PIAS2: variants seen among roughly 807,000 people sequenced by gnomAD.
The protein encoded by PIAS2 is protein inhibitor of activated STAT 2.
A neutral mutation model predicts 69.7 loss-of-function variants in PIAS2; 19 were observed. The ratio of observed to expected loss-of-function variants is 0.27; its 90% CI spans 0.19 to 0.40. PIAS2 has a LOEUF of 0.40. PIAS2 is among the 10% of genes least tolerant of loss of function. The pLI is 1.00. For synonymous variants in PIAS2, 261 were observed against 263.2 expected (o/e 0.99, Z 0.08); for missense variants, 624 against 757.0 (o/e 0.82, Z 2.06).
intron 11 of PIAS2, among the ~76,000 whole-genome samples, chr18:46,824,310 A>T (rs1023049348): frequency 1.3e-5 from 2 of 152,230 alleles, no homozygotes; most frequent in African/African-American, 4.8e-5. Context: ...ATAAAAGTAT[A>T]AAAAAGATGC....
chr18:46,823,951 TG>T (rs1423239106), intron 11 of PIAS2, among the ~76,000 whole-genome samples: 1 of 152,188 alleles, frequency 6.6e-6, no homozygotes, highest in Non-Finnish European at 1.5e-5. Flanking sequence ...TGGCTATGGA[TG>T]GTGAAATGAT....
intron 12 of PIAS2, among the ~76,000 whole-genome samples, chr18:46,819,361 C>T (rs1219296381): frequency 6.6e-6 from 1 of 152,134 alleles, no homozygotes; most frequent in East Asian, 1.9e-4. Context: ...AAATACTTTA[C>T]AATTTGTGCT....
chr18:46,917,621 C>G (rs1322081679), upstream of PIAS2: 1 of 915,136 alleles, frequency 1.1e-6, no homozygotes, highest in East Asian at 1.1e-4. Flanking sequence ...GGCGACAGCG[C>G]CCGCCCGCGC....
At chr18:46,844,169 G>T in intron 7 of PIAS2, 42 bp from the exon 8 acceptor site, 1 of 1,029,228 alleles carries the variant, frequency 9.7e-7, no homozygotes, top group South Asian at 1.9e-5. Flanking sequence ...AAAAATTAAG[G>T]GTGACAAAGA....
chr18:46,826,927 A>C (rs2042919521), intron 11 of PIAS2: 1 of 152,342 alleles, frequency 6.6e-6, no homozygotes. Context: ...CAGGCATTAT[A>C]GACACAAAAA....
chr18:46,826,019 C>T (rs186895288), intron 11 of PIAS2, among the ~76,000 whole-genome samples: 10 of 152,184 alleles, frequency 6.6e-5, no homozygotes, highest in Admixed American at 2.6e-4. Flanking sequence ...AGAGTTCTTC[C>T]GTGTATTAAT....
intron 12 of PIAS2, chr18:46,816,704 G>T: frequency 1.5e-6 from 1 of 666,340 alleles, no homozygotes; most frequent in Non-Finnish European, 1.9e-6. Flanking sequence ...CAGAGCTCAA[G>T]TGATCCTCCC....
At chr18:46,856,389 G>C (rs188500835) in intron 3 of PIAS2, among the ~76,000 whole-genome samples, 1 of 152,050 alleles carries the variant, frequency 6.6e-6, no homozygotes, top group East Asian at 1.9e-4. Flanking sequence ...ATAGCTACTA[G>C]GGGGATTCTA....
chr18:46,891,195 G>C, intron 1 of PIAS2, 141 bp from the exon 2 acceptor site: 1 of 692,404 alleles, frequency 1.4e-6, no homozygotes, highest in Non-Finnish European at 2.6e-6. Context: ...ATACCACTTA[G>C]AATCATTACC....
intron 8 of PIAS2, among the ~76,000 whole-genome samples, chr18:46,842,370 A>C (rs695001): frequency 0.53 from 79,996 of 151,522 alleles, 21,349 homozygotes; most frequent in African/African-American, 0.57. Context: ...AGAATGGCAA[A>C]CTGTATGAAG....
chr18:46,859,272 C>T (rs2048298935), intron 3 of PIAS2, among the ~76,000 whole-genome samples: 1 of 151,538 alleles, frequency 6.6e-6, no homozygotes, highest in Non-Finnish European at 1.5e-5. Flanking sequence ...ACTAAAAATA[C>T]AAAAAATTAG....
Position 46,917,378 on chromosome 18 carries a change from C to G in PIAS2, c.-33G>C. 1 of 1,452,308 alleles carries G rather than the reference C, an allele frequency of 6.9e-7. No homozygotes were observed. Among genetic ancestry groups the G allele is most frequent in the Non-Finnish European group, 9.1e-7 (1 of 1,096,008 alleles). 90.0% of individuals were successfully genotyped at this position (1,452,308 alleles called of 1,614,324 possible). ...CACCCGCGGGCGCCGCCGCCGCTGC[C>G]GCCGCACCCACTCCCGCTGCCGCCA... is the stretch of plus-strand genomic sequence containing the variant. On this transcript the variant is annotated 5_prime_UTR_variant, in exon 1 of 14. Coordinates refer to ENST00000585916, the MANE Select transcript of PIAS2 (RefSeq NM_004671.5).
At chr18:46,834,570 C>A (rs1039847248) in intron 9 of PIAS2, among the ~76,000 whole-genome samples, 1 of 152,178 alleles carries the variant, frequency 6.6e-6, no homozygotes, top group African/African-American at 2.4e-5. Flanking sequence ...AAATAGCTAT[C>A]TTTTCAATTA....
At chr18:46,919,347 G>A (rs568395964), upstream of PIAS2, among the ~76,000 whole-genome samples, 4 of 152,138 alleles carry the variant, frequency 2.6e-5, no homozygotes, top group Non-Finnish European at 4.4e-5. Context: ...TTAGCCAGGC[G>A]TGGTGGCGCA....
chr18:46,859,659 AG>A (rs1257356164), intron 3 of PIAS2, among the ~76,000 whole-genome samples: 3 of 152,176 alleles, frequency 2.0e-5, no homozygotes, highest in Admixed American at 1.3e-4. Context: ...CATAGTAGAC[AG>A]TTAATAAATG....
At chr18:46,849,101 G>A (rs547314206) in intron 5 of PIAS2, among the ~76,000 whole-genome samples, 13 of 152,248 alleles carry the variant, frequency 8.5e-5, no homozygotes, top group African/African-American at 3.1e-4. Flanking sequence ...GAACTAAAAT[G>A]TGCACTCTGG....
chr18:46,844,219 G>T, intron 7 of PIAS2, 92 bp from the exon 8 acceptor site: 2 of 512,746 alleles, frequency 3.9e-6, no homozygotes, highest in Non-Finnish European at 6.7e-6. Flanking sequence ...AAAACAAAAT[G>T]TTACATATTA....
intron 2 of PIAS2, among the ~76,000 whole-genome samples, chr18:46,868,039 A>G (rs1008644810): frequency 1.3e-5 from 2 of 152,190 alleles, no homozygotes; most frequent in East Asian, 1.9e-4. Context: ...GCTGCCAAAC[A>G]TATCAGGGAA....
In PIAS2 at chr18:46,815,424, T is replaced by A. The variant is rs921731652; in HGVS notation, c.1649-75A>T. On this transcript the variant is annotated intron_variant, in intron 12 of 13. Coordinates refer to ENST00000585916, the MANE Select transcript of PIAS2 (RefSeq NM_004671.5). The stretch of plus-strand genomic sequence containing the variant: ...GAATTATTTCCCTAAATCATCTTTA[T>A]CACAAATCACAAAACATTTGTGGTA... 2.9e-5 allele frequency: 46 copies of A among 1,601,290 alleles called. No individual in the cohort carries two copies. In the African/African-American group the frequency reaches 5.2e-4, roughly 18 times the overall value.
Sources: gnomAD v4.1 joint callset for allele counts (sites outside exome capture counted in the v4.1 genomes callset) on GRCh38, gnomAD v4.1.1 for gene constraint, MANE v1.5 for transcripts, NCBI Gene and HGNC (gene_info 2026-07-23, HGNC 2026-07-21) for gene names.